OSBPL10: variants seen among roughly 807,000 people sequenced by gnomAD.
OSBPL10 encodes the protein oxysterol binding protein like 10.
A neutral mutation model predicts 81.7 loss-of-function variants in OSBPL10; 49 were observed. That is an observed-to-expected ratio of 0.60 (90% confidence interval 0.48 to 0.76). The LOEUF (loss-of-function observed/expected upper bound fraction) is 0.76. Among genes scored for constraint, OSBPL10 ranks in the 30% least tolerant of loss-of-function variants. The probability of loss-of-function intolerance (pLI) is 0.00; values close to 1 mark genes in which losing one functional copy is unlikely to be tolerated. For synonymous variants in OSBPL10, 419 were observed against 383.6 expected (o/e 1.09, Z -1.08); for missense variants, 923 against 987.8 (o/e 0.93, Z 0.88).
intron 1 of OSBPL10, among the ~76,000 whole-genome samples, chr3:31,935,715 G>A (rs1285242411): frequency 4.6e-5 from 7 of 151,824 alleles, no homozygotes; most frequent in African/African-American, 1.5e-4. Flanking sequence ...GTAGAGACGG[G>A]GTTTCACCAT....
chr3:31,944,833 TAAAAAAAAAAAA>T (rs869140991), intron 1 of OSBPL10, among the ~76,000 whole-genome samples: 11 of 55,096 alleles, frequency 2.0e-4, no homozygotes, highest in Non-Finnish European at 2.8e-4. Context: ...CCCCTCTCTT[TAAAAAAAAAAAA>T]AAAAAAAAAA....
intron 7 of OSBPL10, among the ~76,000 whole-genome samples, chr3:31,686,031 C>T (rs974638464): frequency 3.9e-5 from 6 of 152,304 alleles, no homozygotes; most frequent in African/African-American, 1.2e-4. Context: ...GAATTAGGGA[C>T]CGCAAGAGCA....
intron 6 of OSBPL10, among the ~76,000 whole-genome samples, chr3:31,714,283 T>C (rs1696362605): frequency 6.6e-6 from 1 of 152,168 alleles, no homozygotes; most frequent in South Asian, 2.1e-4. Flanking sequence ...GTGCAGGACA[T>C]GGCCTGGGTC....
intron 2 of OSBPL10, among the ~76,000 whole-genome samples, chr3:32,034,911 A>G (rs1261934868): frequency 6.6e-6 from 1 of 152,256 alleles, no homozygotes; most frequent in Non-Finnish European, 1.5e-5. Flanking sequence ...GTATACAGCT[A>G]TTATTCCAGA....
chr3:31,854,797 CTT>C lies in OSBPL10; in HGVS notation c.537+21634_537+21635del, dbSNP rs539766165. Among the ~76,000 whole-genome samples, 312 of 152,252 alleles carry C rather than the reference CTT, an allele frequency of 2.0e-3. 1 individual carries two copies. Among genetic ancestry groups the C allele is most frequent in the Non-Finnish European group, 7.4e-4 (50 of 68,018 alleles). The stretch of plus-strand genomic sequence containing the variant: ...TTATTATACGAATAAATGAATGAAA[CTT>C]TTTCCTAATTTAAGGGTAAGGCCTT... On this transcript the variant is annotated intron_variant, in intron 3 of 11. Coordinates refer to ENST00000396556, the MANE Select transcript of OSBPL10 (RefSeq NM_017784.5).
chr3:31,720,696 C>G (rs1393669994), intron 6 of OSBPL10, among the ~76,000 whole-genome samples: 1 of 151,682 alleles, frequency 6.6e-6, no homozygotes, highest in African/African-American at 2.4e-5. Context: ...CTCAGGAGTT[C>G]GAGACCAGCC....
At chr3:31,747,253 G>C (rs1692957804) in intron 5 of OSBPL10, among the ~76,000 whole-genome samples, 1 of 151,954 alleles carries the variant, frequency 6.6e-6, no homozygotes, top group African/African-American at 2.4e-5. Context: ...AGGAGGCGGA[G>C]GCTGTAGTGA....
At chr3:31,931,014 C>CAAAAAAAAAA (rs60251266) in intron 1 of OSBPL10, among the ~76,000 whole-genome samples, 1 of 62,062 alleles carries the variant, frequency 1.6e-5, no homozygotes, top group East Asian at 4.7e-4. Flanking sequence ...GACTCGGTCT[C>CAAAAAAAAAA]AAAAAAAAAA....
intron 3 of OSBPL10, among the ~76,000 whole-genome samples, chr3:31,858,552 C>G (rs1489217037): frequency 6.6e-6 from 1 of 152,172 alleles, no homozygotes; most frequent in East Asian, 1.9e-4. Flanking sequence ...CATTAATCCT[C>G]ACCACAGCAT....
intron 3 of OSBPL10, among the ~76,000 whole-genome samples, chr3:31,833,826 T>C (rs933462785): frequency 2.0e-5 from 3 of 152,134 alleles, no homozygotes; most frequent in African/African-American, 4.8e-5. Context: ...CCTTTGCCTG[T>C]AGCAGTATCA....
intron 6 of OSBPL10, chr3:31,708,710 C>A (rs193200756): frequency 1.0e-6 from 1 of 984,180 alleles, no homozygotes; most frequent in Non-Finnish European, 1.2e-6. Context: ...TCCTGATGAA[C>A]CTACTGTCCT....
rs184190283 is a variant in OSBPL10, at chr3:31,846,137, C to T, written c.538-15906G>A. Among the ~76,000 whole-genome samples, 878 of 152,246 alleles carry T rather than the reference C, an allele frequency of 5.8e-3. 4 individuals carry two copies. Among genetic ancestry groups the T allele is most frequent in the South Asian group, 0.023 (113 of 4,814 alleles). On this transcript the variant is annotated intron_variant, in intron 3 of 11. Coordinates refer to ENST00000396556, the MANE Select transcript of OSBPL10 (RefSeq NM_017784.5). ...AAGCAATCCTCCTGCCTCAGCCTCCCGCGTGGCGGGGACAACAGGCATGTC... is the reference window on the plus strand; with the variant it reads ...AAGCAATCCTCCTGCCTCAGCCTCCTGCGTGGCGGGGACAACAGGCATGTC...
intron 7 of OSBPL10, among the ~76,000 whole-genome samples, chr3:31,694,347 GGT>G (rs2125574570): frequency 8.1e-6 from 1 of 123,106 alleles, no homozygotes; most frequent in East Asian, 2.7e-4. Flanking sequence ...CTCCAGCCTG[GGT>G]GACAGAGTAA....
chr3:31,790,403 G>T (rs1698980437), intron 4 of OSBPL10, among the ~76,000 whole-genome samples: 1 of 152,180 alleles, frequency 6.6e-6, no homozygotes, highest in Non-Finnish European at 1.5e-5. Context: ...GAACCCCTGA[G>T]TATGCGCTCA....
At chr3:31,732,960 A>G in intron 6 of OSBPL10, 1 of 425,150 alleles carries the variant, frequency 2.4e-6, no homozygotes, top group Non-Finnish European at 4.2e-6. Flanking sequence ...AATAGGCACC[A>G]TGTTAACGGG....
chr3:31,667,328 T>C (rs528011709), intron 10 of OSBPL10, among the ~76,000 whole-genome samples: 32 of 152,356 alleles, frequency 2.1e-4, no homozygotes, highest in African/African-American at 7.2e-4. Flanking sequence ...GCTCTCCAGT[T>C]AGACACAGAG....
intron 3 of OSBPL10, among the ~76,000 whole-genome samples, chr3:31,838,526 A>G (rs1339491866): frequency 6.6e-6 from 1 of 150,584 alleles, no homozygotes; most frequent in African/African-American, 2.4e-5. Context: ...AAAAAAAAAA[A>G]AAAAAAAAAA....
At chr3:31,780,411 G>T (rs549861017) in intron 4 of OSBPL10, among the ~76,000 whole-genome samples, 1 of 149,844 alleles carries the variant, frequency 6.7e-6, no homozygotes, top group South Asian at 2.1e-4. Context: ...AAACCTCAAG[G>T]AACTAGAGAA....
chr3:32,014,973 C>A (rs915435041), intron 2 of OSBPL10, among the ~76,000 whole-genome samples: 1 of 152,108 alleles, frequency 6.6e-6, no homozygotes, highest in African/African-American at 2.4e-5. Context: ...AGAACATTTC[C>A]TGCTCATGGA....
Sources: allele counts gnomAD v4.1 joint callset (sites outside exome capture counted in the v4.1 genomes callset), GRCh38; gene constraint gnomAD v4.1.1; transcripts MANE v1.5; gene names NCBI Gene and HGNC (gene_info 2026-07-23, HGNC 2026-07-21).